LRBA: variants seen among roughly 807,000 people sequenced by gnomAD.
The protein encoded by LRBA is LPS responsive beige-like anchor protein.
A neutral mutation model predicts 330.0 loss-of-function variants in LRBA; 176 were observed. The ratio of observed to expected loss-of-function variants is 0.53; its 90% CI spans 0.47 to 0.60. LRBA has a LOEUF of 0.60. LRBA is among the 20% of genes least tolerant of loss of function. LRBA has a pLI of 0.00. For synonymous variants in LRBA, 1,230 were observed against 1,193.0 expected, an observed-to-expected ratio of 1.03 and a Z score of -0.64; for missense variants, 3,259 against 3,444.8, an observed-to-expected ratio of 0.95 and a Z score of 1.35.
At chr4:150,691,947 G>A (rs936470598) in intron 36 of LRBA, among the ~76,000 whole-genome samples, 1 of 152,028 alleles carries the variant, frequency 6.6e-6, no homozygotes, top group African/African-American at 2.4e-5. Flanking sequence ...TTGATTCCAT[G>A]TATATAAAAT....
In LRBA at chr4:150,851,982, T is replaced by A; in HGVS notation, c.3728A>T (p.Lys1243Met). 6.2e-7 allele frequency: 1 copy of A among 1,614,162 alleles called. No individual in the cohort carries two copies. Among genetic ancestry groups the A allele is most frequent in the Non-Finnish European group, 8.5e-7 (1 of 1,180,008 alleles). Residue 1243 changes from lysine (K) to methionine (M), a missense_variant, in exon 23 of 57, where the codon AAG becomes ATG. Transcript: ENST00000651943. ...TGTAGCAACATTGGAAACATCCAAC[T>A]TCGCAATCTTTTGCTCAGAAGAAGC... ...SEASSEQKIA[K>M]LDVSNVATDT...
At chr4:150,863,769 C>T (rs1298084247) in intron 22 of LRBA, among the ~76,000 whole-genome samples, 1 of 152,084 alleles carries the variant, frequency 6.6e-6, no homozygotes, top group Non-Finnish European at 1.5e-5. Context: ...GATATAAATA[C>T]TTAGTCATAA....
intron 51 of LRBA, among the ~76,000 whole-genome samples, chr4:150,311,695 C>A (rs1209329461): frequency 6.6e-6 from 1 of 152,130 alleles, no homozygotes; most frequent in Non-Finnish European, 1.5e-5. Context: ...ATGGAGGCTT[C>A]ATATGCTTTT....
chr4:150,901,957 C>T (rs1226178626), intron 13 of LRBA, among the ~76,000 whole-genome samples: 1 of 152,100 alleles, frequency 6.6e-6, no homozygotes, highest in East Asian at 1.9e-4. Flanking sequence ...ATGCATAACA[C>T]TGTATCATGG....
At chr4:150,501,741 T>TGGA (rs1760303888) in intron 40 of LRBA, among the ~76,000 whole-genome samples, 1 of 152,184 alleles carries the variant, frequency 6.6e-6, no homozygotes. Flanking sequence ...AGGGTCAGAA[T>TGGA]ACTTCCACTT....
intron 36 of LRBA, among the ~76,000 whole-genome samples, chr4:150,686,601 C>T (rs889130073): frequency 2.0e-5 from 3 of 152,034 alleles, no homozygotes; most frequent in South Asian, 2.1e-4. Context: ...ACAAATAGTA[C>T]GAAATGACAG....
intron 31 of LRBA, among the ~76,000 whole-genome samples, chr4:150,815,358 A>C (rs1388623194): frequency 6.6e-6 from 1 of 151,658 alleles, no homozygotes; most frequent in East Asian, 1.9e-4. Flanking sequence ...CAAAGGAAAA[A>C]AAAAAAAGAG....
At chr4:150,640,598 G>T (rs1234787213) in intron 37 of LRBA, among the ~76,000 whole-genome samples, 7 of 152,096 alleles carry the variant, frequency 4.6e-5, no homozygotes, top group Admixed American at 4.6e-4. Flanking sequence ...ATTTCAGAGG[G>T]TGAAGAACTA....
intron 30 of LRBA, 56 bp downstream of exon 30, chr4:150,828,124 T>C (rs527392199): frequency 3.5e-5 from 54 of 1,527,684 alleles, no homozygotes; most frequent in Admixed American, 7.0e-5. Flanking sequence ...CTAACCCCCA[T>C]GTTGTTCAAG....
intron 28 of LRBA, among the ~76,000 whole-genome samples, chr4:150,843,766 C>A (rs1749443675): frequency 6.6e-6 from 1 of 152,082 alleles, no homozygotes; most frequent in African/African-American, 2.4e-5. Flanking sequence ...GCTTTATGTG[C>A]CTTAGATTAT....
rs865969361 is a variant in LRBA, at chr4:150,931,561, G to C, written c.217-2496C>G. Among the ~76,000 whole-genome samples the C allele has an allele frequency of 4.1e-5, 6 of 146,248 alleles. 1 individual carries two copies. The highest frequency in any genetic ancestry group is 1.0e-4 in the African/African-American group (4 of 39,236). ...GGATCACTTGAGGCCTGGAGTTTGA[G>C]ACCAGTCTGGCAACACAGCCAGACT... On this transcript the variant is annotated intron_variant, in intron 2 of 56. Transcript: ENST00000651943.
Position 150,808,402 on chromosome 4 carries a change from T to G in LRBA, c.5306-4A>C. ...TTTGCATTAGATGATCTACTGCCTA[T>G]AAAAGAAAAATAACCATCTATAGGA... is the stretch of plus-strand genomic sequence containing the variant. On this transcript the variant is annotated splice_polypyrimidine_tract_variant and splice_region_variant and intron_variant, in intron 31 of 56. Transcript: ENST00000651943. The G allele has an allele frequency of 6.4e-7, 1 of 1,565,298 alleles. No individual in the cohort carries two copies. Among genetic ancestry groups the G allele is most frequent in the Admixed American group, 1.7e-5 (1 of 59,060 alleles).
chr4:150,539,800 G>A (rs1211463237), intron 40 of LRBA, among the ~76,000 whole-genome samples: 1 of 152,136 alleles, frequency 6.6e-6, no homozygotes, highest in Non-Finnish European at 1.5e-5. Flanking sequence ...AGTAGAAAAG[G>A]TGTTGCCGAG....
intron 48 of LRBA, among the ~76,000 whole-genome samples, chr4:150,347,751 GA>G (rs1431315951): frequency 1.3e-5 from 2 of 151,848 alleles, no homozygotes; most frequent in African/African-American, 4.8e-5. Context: ...TTAGGTGAAA[GA>G]AAAAATATAA....
chr4:150,872,252 T>C (rs894782898), intron 18 of LRBA, among the ~76,000 whole-genome samples: 6 of 152,196 alleles, frequency 3.9e-5, no homozygotes, highest in African/African-American at 1.4e-4. Flanking sequence ...TGAATATCTG[T>C]ATTCAGCTAA....
chr4:150,702,443 A>G (rs776790461), intron 36 of LRBA, among the ~76,000 whole-genome samples: 2 of 152,212 alleles, frequency 1.3e-5, no homozygotes, highest in African/African-American at 2.4e-5. Context: ...AATGAAAAGG[A>G]AATACCAAGA....
chr4:150,957,602 C>G (rs538114907), intron 2 of LRBA, among the ~76,000 whole-genome samples: 3 of 148,696 alleles, frequency 2.0e-5, no homozygotes, highest in Admixed American at 6.6e-5. Flanking sequence ...ACAGTCCCCC[C>G]AGTCTTAACC....
In LRBA at chr4:150,526,235, TG is replaced by T. The variant is rs1176476717; in HGVS notation, c.6331-35201del. On this transcript the variant is annotated intron_variant, in intron 40 of 56. Transcript: ENST00000651943. Reference sequence around the variant, plus strand: ...AACTAAATTCAGAATGACAGCTTACTGATTTAAAATGAGAAATTATAATGGC... The same window carrying T: ...AACTAAATTCAGAATGACAGCTTACTATTTAAAATGAGAAATTATAATGGC... Among the ~76,000 whole-genome samples the T allele has an allele frequency of 2.0e-5, 3 of 152,210 alleles. No homozygotes were observed. The East Asian group carries it at 5.8e-4, about 29-fold the overall frequency.
intron 47 of LRBA, among the ~76,000 whole-genome samples, chr4:150,362,916 C>G (rs1014327620): frequency 1.3e-5 from 2 of 151,980 alleles, no homozygotes; most frequent in Admixed American, 6.6e-5. Context: ...AGCCTGGCAG[C>G]CTGGCAGCCT....
Sources: allele counts gnomAD v4.1 joint callset (sites outside exome capture counted in the v4.1 genomes callset), GRCh38; gene constraint gnomAD v4.1.1; transcripts MANE v1.5; gene names NCBI Gene and HGNC (gene_info 2026-07-23, HGNC 2026-07-21).